Variants in DHRS4 observed in about 807,000 individuals in gnomAD.
DHRS4 encodes dehydrogenase/reductase SDR family member 4.
Under a neutral mutation model 28.4 loss-of-function variants are expected in DHRS4, and 20 were observed. The observed-to-expected ratio is 0.71, with a 90% CI of 0.50 to 1.02. The LOEUF (loss-of-function observed/expected upper bound fraction) is 1.02, where lower values mean the gene tolerates loss of function less well. Among genes scored for constraint, DHRS4 ranks in the 50% least tolerant of loss-of-function variants. The pLI is 0.00. For synonymous variants in DHRS4, 144 were observed against 146.4 expected, an observed-to-expected ratio of 0.98 and a Z score of 0.12; for missense variants, 378 against 367.2, an observed-to-expected ratio of 1.03 and a Z score of -0.24.
At chr14:23,963,891 G>A (rs1160608241) in intron 3 of DHRS4, among the ~76,000 whole-genome samples, 13 of 150,658 alleles carry the variant, frequency 8.6e-5, no homozygotes, top group Middle Eastern at 3.4e-3. Context: ...AGGGTTAATA[G>A]TTGGCCTAAT....
At chr14:23,956,280 G>GT (rs2033144572) in intron 2 of DHRS4, among the ~76,000 whole-genome samples, 1 of 152,198 alleles carries the variant, frequency 6.6e-6, no homozygotes, top group African/African-American at 2.4e-5. Context: ...GGATCAATTA[G>GT]CACTAACCAT....
chr14:23,964,990 T>C (rs2033565740), intron 3 of DHRS4, among the ~76,000 whole-genome samples: 1 of 151,574 alleles, frequency 6.6e-6, no homozygotes, highest in South Asian at 2.1e-4. Flanking sequence ...AATGGTTCAT[T>C]TAAAAAACTG....
rs1377391490 is a variant in DHRS4, at chr14:23,953,823, G to A, written c.35G>A (p.Arg12Gln). The A allele has an allele frequency of 1.9e-6, 3 of 1,614,110 alleles. No homozygotes were observed. The highest frequency in any genetic ancestry group is 1.7e-6 in the Non-Finnish European group (2 of 1,179,978). ...HKAGLLGLCA[R>Q]AWNSVRMASS... ...GCGGGGCTGCTAGGCCTCTGTGCCCGGGCTTGGAATTCGGTGCGGATGGCC... is the reference window on the plus strand; with the variant it reads ...GCGGGGCTGCTAGGCCTCTGTGCCCAGGCTTGGAATTCGGTGCGGATGGCC... The change falls in exon 1 of 8, where the codon CGG becomes CAG. Residue 12 changes from arginine to glutamine, a missense_variant. Physicochemically the swap from Arg to Gln is conservative, Grantham distance 43. Coordinates refer to ENST00000313250, the MANE Select transcript of DHRS4 (RefSeq NM_021004.4).
At chr14:23,967,132 C>T in intron 6 of DHRS4, 79 bp from the exon 7 acceptor site, 3 of 1,530,168 alleles carry the variant, frequency 2.0e-6, no homozygotes, top group Middle Eastern at 1.7e-4. Flanking sequence ...CCGGCCTGGG[C>T]AAAAGAGCAA....
chr14:23,963,199 A>G (rs1455144358), intron 3 of DHRS4, among the ~76,000 whole-genome samples: 1 of 109,594 alleles, frequency 9.1e-6, no homozygotes, highest in Non-Finnish European at 1.7e-5. Context: ...GCTTCAACTT[A>G]AAGTCACTGG....
intron 1 of DHRS4, among the ~76,000 whole-genome samples, 177 bp from the exon 2 acceptor site, chr14:23,954,858 A>G (rs924347302): frequency 6.6e-6 from 1 of 152,266 alleles, no homozygotes; most frequent in African/African-American, 2.4e-5. Context: ...AAAACAAGTA[A>G]AGGAATGCCA....
chr14:23,959,076 A>G (rs6573484), intron 2 of DHRS4, among the ~76,000 whole-genome samples: 28,108 of 151,902 alleles, frequency 0.19, 6,227 homozygotes, highest in African/African-American at 0.54. Flanking sequence ...AACTTATTCA[A>G]GGAGAACTGG....
intron 2 of DHRS4, among the ~76,000 whole-genome samples, chr14:23,957,367 C>G (rs116454788): frequency 7.0e-6 from 1 of 142,542 alleles, no homozygotes; most frequent in South Asian, 2.1e-4. Context: ...ATGGATACTA[C>G]CCAGTGGCCT....
chr14:23,961,081 C>A (rs1178278594), intron 3 of DHRS4, among the ~76,000 whole-genome samples: 9 of 151,786 alleles, frequency 5.9e-5, no homozygotes, highest in Non-Finnish European at 1.0e-4. Flanking sequence ...CCTCATGACC[C>A]AAACACCTCA....
At chr14:23,956,755 C>T (rs569080873) in intron 2 of DHRS4, among the ~76,000 whole-genome samples, 1 of 152,086 alleles carries the variant, frequency 6.6e-6, no homozygotes, top group African/African-American at 2.4e-5. Context: ...AGGCATCCAC[C>T]ACCACGTCCA....
In DHRS4 at chr14:23,953,857, G is replaced by A. The variant is rs766792110; in HGVS notation, c.69G>A (p.Gly23=). Residue 23 remains glycine (G), a synonymous_variant, in exon 1 of 8, where the codon GGG becomes GGA. Transcript: ENST00000313250. The part of the protein sequence containing the change: ...AWNSVRMASS[G]MTRRDPLANK... ...ATTCGGTGCGGATGGCCAGCTCCGG[G>A]ATGACCCGCCGGGACCCGCTCGCAA... The A allele has an allele frequency of 1.9e-6, 3 of 1,613,312 alleles. No individual in the cohort carries two copies. Among genetic ancestry groups the A allele is most frequent in the Non-Finnish European group, 1.7e-6 (2 of 1,179,716 alleles).
chr14:23,963,417 C>T, intron 3 of DHRS4, among the ~76,000 whole-genome samples: 1 of 137,702 alleles, frequency 7.3e-6, no homozygotes, highest in Non-Finnish European at 1.5e-5. Flanking sequence ...GCAGCTTCTA[C>T]ATCAGCACTC....
intron 2 of DHRS4, among the ~76,000 whole-genome samples, chr14:23,956,824 G>A (rs865944585): frequency 2.0e-5 from 3 of 152,012 alleles, no homozygotes; most frequent in Admixed American, 6.6e-5. Context: ...GGCTGGTCTT[G>A]AACTCCTGAC....
In DHRS4 at chr14:23,955,039, G is replaced by A. The variant is rs543208779; in HGVS notation, c.133G>A (p.Gly45Ser). 1.4e-5 allele frequency: 22 copies of A among 1,614,150 alleles called. No homozygotes were observed. In the East Asian group the frequency reaches 4.5e-4, roughly 33 times the overall value. Residue 45 changes from glycine to serine, a missense_variant, in exon 2 of 8, where the codon GGC (glycine) becomes AGC (serine). Physicochemically the swap from Gly to Ser is moderately conservative, Grantham distance 56 (BLOSUM62 0). Transcript: ENST00000313250. The stretch of plus-strand genomic sequence containing the variant: ...TTTGTCTCTTTCTGCTCACAGGATC[G>A]GCTTCGCCATCGCCCGGCGTTTGGC... ...ALVTASTDGI[G>S]FAIARRLAQD...
intron 3 of DHRS4, among the ~76,000 whole-genome samples, chr14:23,964,085 G>GT (rs1231967540): frequency 1.3e-5 from 2 of 150,386 alleles, no homozygotes; most frequent in Non-Finnish European, 2.9e-5. Flanking sequence ...ACAGATCACC[G>GT]TAACAGATAC....
chr14:23,967,317 C>A (rs1267143757), intron 7 of DHRS4, 51 bp downstream of exon 7: 16 of 1,589,582 alleles, frequency 1.0e-5, no homozygotes, highest in African/African-American at 2.7e-5. Flanking sequence ...ATGGGAAGGT[C>A]TGGTCCCTAG....
chr14:23,965,109 T>C (rs2033570020), intron 3 of DHRS4, among the ~76,000 whole-genome samples: 1 of 150,978 alleles, frequency 6.6e-6, no homozygotes, highest in Non-Finnish European at 1.5e-5. Context: ...TTCTGTAAGA[T>C]TGAAATATTT....
intron 2 of DHRS4, among the ~76,000 whole-genome samples, chr14:23,959,556 T>TA (rs1240463042): frequency 3.3e-5 from 5 of 152,094 alleles, no homozygotes; most frequent in Non-Finnish European, 7.4e-5. Context: ...AGACTCCGTC[T>TA]AAAAAAGAAA....
chr14:23,964,085 G>C (rs75779656), intron 3 of DHRS4, among the ~76,000 whole-genome samples: 1 of 150,386 alleles, frequency 6.6e-6, no homozygotes, highest in East Asian at 1.9e-4. Context: ...ACAGATCACC[G>C]TAACAGATAC....
Sources: allele counts gnomAD v4.1 joint callset (sites outside exome capture counted in the v4.1 genomes callset), GRCh38; gene constraint gnomAD v4.1.1; transcripts MANE v1.5; gene names NCBI Gene and HGNC (gene_info 2026-07-23, HGNC 2026-07-21).